Variants in GSE1 observed in about 807,000 individuals in gnomAD.
The protein encoded by GSE1 is Gse1 coiled-coil protein.
In GSE1, 32 loss-of-function variants were observed where a neutral mutation model predicts 112.6. The ratio of observed to expected loss-of-function variants is 0.28; its 90% confidence interval spans 0.21 to 0.38. The LOEUF (loss-of-function observed/expected upper bound fraction) is 0.38. GSE1 is among the 10% of genes least tolerant of loss of function. The probability of loss-of-function intolerance (pLI) is 1.00; values close to 1 mark genes in which losing one functional copy is unlikely to be tolerated. For missense variants in GSE1, 2,348 were observed against 1,699.2 expected (o/e 1.38, Z -6.71); for synonymous variants, 1,115 against 735.6 (o/e 1.52, Z -8.35).
intron 1 of GSE1, among the ~76,000 whole-genome samples, chr16:85,613,892 C>T (rs1046622595): frequency 6.7e-6 from 1 of 149,758 alleles, no homozygotes; most frequent in Non-Finnish European, 1.5e-5. Flanking sequence ...TGGGGCCGCG[C>T]CGGTTAGGGT....
chr16:85,176,346 C>T (rs1423024385), intron 1 of GSE1, among the ~76,000 whole-genome samples: 1 of 152,248 alleles, frequency 6.6e-6, no homozygotes, highest in Admixed American at 6.5e-5. Context: ...TTGCCACAGC[C>T]TCTAGAACAT....
At chr16:85,669,871 T>G (rs1365063387) in intron 14 of GSE1, among the ~76,000 whole-genome samples, 2 of 152,236 alleles carry the variant, frequency 1.3e-5, no homozygotes, top group Non-Finnish European at 2.9e-5. Flanking sequence ...CCACACCTGC[T>G]GGGCCTGGCT....
intron 2 of GSE1, among the ~76,000 whole-genome samples, chr16:85,454,364 G>A (rs1038044790): frequency 2.0e-5 from 3 of 152,334 alleles, no homozygotes; most frequent in South Asian, 2.1e-4. Context: ...GCAGGGGAGC[G>A]GCCAGCAGAT....
At chr16:85,564,552 C>G (rs1359881700) in intron 1 of GSE1, among the ~76,000 whole-genome samples, 1 of 152,188 alleles carries the variant, frequency 6.6e-6, no homozygotes, top group Non-Finnish European at 1.5e-5. Context: ...CATTTGAGCT[C>G]TCCTTTCTAC....
intron 2 of GSE1, among the ~76,000 whole-genome samples, chr16:85,464,213 G>A (rs1040899848): frequency 7.2e-5 from 11 of 152,088 alleles, no homozygotes; most frequent in African/African-American, 2.7e-4. Flanking sequence ...CTCAGGGGGA[G>A]AAAGAGTCAT....
chr16:85,460,646 C>T (rs1237306740), intron 2 of GSE1, among the ~76,000 whole-genome samples: 1 of 152,268 alleles, frequency 6.6e-6, no homozygotes, highest in African/African-American at 2.4e-5. Context: ...GTGACCTCTC[C>T]TTGCCCGAGC....
At chr16:85,236,048 G>GGCTGGT (rs1555544810) in intron 1 of GSE1, among the ~76,000 whole-genome samples, 3,757 of 152,122 alleles carry the variant, frequency 0.025, 156 homozygotes, top group African/African-American at 0.085. Context: ...CTGGGGCTGG[G>GGCTGGT]GCTGGTGCCG....
intron 2 of GSE1, among the ~76,000 whole-genome samples, chr16:85,437,482 A>G (rs1224184883): frequency 1.3e-5 from 2 of 152,056 alleles, no homozygotes; most frequent in African/African-American, 4.8e-5. Flanking sequence ...AATGACATCT[A>G]GGGAGGCGGC....
intron 2 of GSE1, among the ~76,000 whole-genome samples, chr16:85,519,580 T>C (rs1598044550): frequency 7.3e-6 from 1 of 137,530 alleles, no homozygotes; most frequent in Non-Finnish European, 1.6e-5. Flanking sequence ...CCATCACCAG[T>C]CTCCATCATC....
rs571851216 is a variant in GSE1, at chr16:85,480,182, G to A, written c.2464+122539G>A. On this transcript the variant is annotated intron_variant, in intron 2 of 2. Coordinates refer to the GSE1 transcript ENST00000637419. ...GGAGCCAGGGTCATCGGCCTCAAGG[G>A]CCCCAGCCAGGAGTAAGACTCAGGC... 7.9e-5 allele frequency among the ~76,000 whole-genome samples: 12 copies of A among 152,316 alleles called. No individual in the cohort carries two copies. In the East Asian group the frequency reaches 2.1e-3, roughly 27 times the overall value.
intron 2 of GSE1, among the ~76,000 whole-genome samples, chr16:85,422,581 A>C (rs1179710570): frequency 7.6e-6 from 1 of 131,968 alleles, no homozygotes; most frequent in Non-Finnish European, 1.8e-5. Flanking sequence ...TTCTGGCCAA[A>C]AGAAAAAAAA....
chr16:85,361,307 G>A (rs2047074382), intron 2 of GSE1, among the ~76,000 whole-genome samples: 1 of 85,608 alleles, frequency 1.2e-5, no homozygotes, highest in Non-Finnish European at 2.2e-5. Context: ...ACAGAGACAG[G>A]CACAGACCCC....
chr16:85,350,660 G>C (rs2046834148), intron 1 of GSE1, among the ~76,000 whole-genome samples: 1 of 152,166 alleles, frequency 6.6e-6, no homozygotes, highest in Admixed American at 6.5e-5. Context: ...TGATGTTCCT[G>C]CTCTTAGTTC....
rs555968423 is a variant in GSE1, at chr16:85,507,512, C to G, written c.2465-126402C>G. On this transcript the variant is annotated intron_variant, in intron 2 of 2. Transcript: ENST00000637419. ...GGGGCTGCCATGGCAAAATGCCACA[C>G]TCTGGCTTGAACAATAGAAATCCAT... is the stretch of plus-strand genomic sequence containing the variant. 2.0e-5 allele frequency among the ~76,000 whole-genome samples: 3 copies of G among 152,362 alleles called. No individual in the cohort carries two copies. In the East Asian group the frequency reaches 5.8e-4, roughly 29 times the overall value.
chr16:85,456,032 G>A (rs921358255), intron 2 of GSE1, among the ~76,000 whole-genome samples: 17 of 152,216 alleles, frequency 1.1e-4, no homozygotes, highest in African/African-American at 3.9e-4. Context: ...ATACCCAGTT[G>A]TAAGTAACAG....
At chr16:85,350,073 G>A (rs902451638) in intron 1 of GSE1, among the ~76,000 whole-genome samples, 2 of 152,214 alleles carry the variant, frequency 1.3e-5, no homozygotes, top group African/African-American at 2.4e-5. Context: ...CTGAGCCTCT[G>A]AGAATTCAGG....
chr16:85,646,305 G>A (rs2050867228), intron 2 of GSE1, among the ~76,000 whole-genome samples: 1 of 152,384 alleles, frequency 6.6e-6, no homozygotes. Context: ...CCCAAGTGGG[G>A]CTTTTGCAAA....
intron 2 of GSE1, among the ~76,000 whole-genome samples, chr16:85,510,474 TTGGCGGGGGCACACC>T (rs1440224029): frequency 6.8e-6 from 1 of 147,848 alleles, no homozygotes; most frequent in Non-Finnish European, 1.5e-5. Context: ...TGCACCCGCC[TTGGCGGGGGCACACC>T]TGGCAGCCTT....
chr16:85,303,868 C>T (rs1445790173), intron 1 of GSE1, among the ~76,000 whole-genome samples: 1 of 152,244 alleles, frequency 6.6e-6, no homozygotes, highest in African/African-American at 2.4e-5. Context: ...AATCGCCTGG[C>T]AGTGCCGCTG....
Sources: allele counts gnomAD v4.1 joint callset (sites outside exome capture counted in the v4.1 genomes callset), GRCh38; gene constraint gnomAD v4.1.1; transcripts MANE v1.5; gene names NCBI Gene and HGNC (gene_info 2026-07-23, HGNC 2026-07-21).